ASAP2: variants seen among roughly 807,000 people sequenced by gnomAD.
The protein encoded by ASAP2 is ArfGAP with SH3 domain, ankyrin repeat and PH domain 2.
ASAP2 carries 45 observed loss-of-function variants against 131.4 expected under a neutral mutation model. The ratio of observed to expected loss-of-function variants is 0.34; its 90% CI spans 0.27 to 0.44. The LOEUF is 0.44. Among genes scored for constraint, ASAP2 ranks in the 20% least tolerant of loss-of-function variants. ASAP2 has a pLI of 1.00. For synonymous variants in ASAP2, 510 were observed against 503.0 expected (o/e 1.01, Z -0.19); for missense variants, 1,011 against 1,297.0 (o/e 0.78, Z 3.39).
chr2:9,356,010 G>A, intron 12 of ASAP2, 37 bp from the exon 13 acceptor site: 2 of 1,610,950 alleles, frequency 1.2e-6, no homozygotes, highest in Non-Finnish European at 1.7e-6. Context: ...ATGGATTGCT[G>A]TCTGGGCTCA....
chr2:9,216,022 G>T (rs1298612216), intron 1 of ASAP2, among the ~76,000 whole-genome samples: 4 of 152,156 alleles, frequency 2.6e-5, no homozygotes, highest in Admixed American at 2.0e-4. Context: ...TTAGGATTCT[G>T]AGCTGGGTAG....
chr2:9,317,143 A>G (rs1219273388), intron 3 of ASAP2, among the ~76,000 whole-genome samples: 2 of 77,164 alleles, frequency 2.6e-5, no homozygotes, highest in African/African-American at 4.2e-5. Context: ...ACACATCCCA[A>G]TCACACCCAC....
chr2:9,224,752 C>CT (rs2147996839), intron 1 of ASAP2, among the ~76,000 whole-genome samples: 1 of 152,254 alleles, frequency 6.6e-6, no homozygotes, highest in South Asian at 2.1e-4. Context: ...TTTATGTGTC[C>CT]TTTTTTATCC....
chr2:9,394,607 A>G (rs976375271), intron 24 of ASAP2, among the ~76,000 whole-genome samples: 1 of 152,146 alleles, frequency 6.6e-6, no homozygotes, highest in Non-Finnish European at 1.5e-5. Flanking sequence ...ACTTGGAAAT[A>G]TACGCACATG....
intron 15 of ASAP2, among the ~76,000 whole-genome samples, chr2:9,366,205 A>T (rs1442260347): frequency 6.6e-6 from 1 of 152,018 alleles, no homozygotes; most frequent in Non-Finnish European, 1.5e-5. Flanking sequence ...CTAGCATTGG[A>T]TGAGTGTGAC....
chr2:9,344,746 G>A lies in ASAP2; in HGVS notation c.969G>A (p.Trp323Ter). Residue 323 changes from tryptophan (W) to a stop codon, truncating the protein, a stop_gained, in exon 11 of 28, where the codon TGG becomes TGA. Transcript: ENST00000281419. LOFTEE classifies it high-confidence loss of function. The stretch of plus-strand genomic sequence containing the variant: ...TATCCACAAGGATCCGAAAAGTGTG[G>A]CAGAAAAGGAAATGTTCAGTTAAAA... ...YKKSDGIRKV[W>*]QKRKCSVKNG... The A allele has an allele frequency of 6.2e-7, 1 of 1,614,136 alleles. No individual in the cohort carries two copies. Among genetic ancestry groups the A allele is most frequent in the South Asian group, 1.1e-5 (1 of 91,080 alleles).
intron 2 of ASAP2, among the ~76,000 whole-genome samples, chr2:9,296,513 A>T (rs1466716580): frequency 6.6e-6 from 1 of 152,252 alleles, no homozygotes; most frequent in East Asian, 1.9e-4. Context: ...GTAAAATGCC[A>T]TGAGATGTAA....
At chr2:9,350,524 C>A (rs940304005) in intron 11 of ASAP2, 1 of 314,800 alleles carries the variant, frequency 3.2e-6, no homozygotes, top group African/African-American at 2.1e-5. Flanking sequence ...AAGGCACCCA[C>A]TGCCAGCAGC....
chr2:9,260,946 TA>T (rs1345788663), intron 1 of ASAP2, among the ~76,000 whole-genome samples: 2 of 152,122 alleles, frequency 1.3e-5, no homozygotes, highest in African/African-American at 2.4e-5. Context: ...CCAGGGTGGT[TA>T]GGGGGGTTGT....
chr2:9,380,851 G>A (rs1165194066), intron 20 of ASAP2, 43 bp downstream of exon 20: 2 of 1,592,346 alleles, frequency 1.3e-6, no homozygotes, highest in Admixed American at 1.7e-5. Context: ...ACCTGTCACG[G>A]GACAGGGAGC....
chr2:9,290,239 G>A (rs574947058), intron 2 of ASAP2, among the ~76,000 whole-genome samples: 2 of 152,092 alleles, frequency 1.3e-5, no homozygotes, highest in Admixed American at 6.5e-5. Flanking sequence ...ATGGAGTCTC[G>A]CTGTGTCACC....
chr2:9,357,637 T>TA (rs1487180103), intron 14 of ASAP2, among the ~76,000 whole-genome samples: 19 of 152,286 alleles, frequency 1.2e-4, no homozygotes, highest in South Asian at 8.3e-4. Context: ...ATGTACTCAT[T>TA]ATTTTAAAAT....
intron 1 of ASAP2, among the ~76,000 whole-genome samples, chr2:9,275,853 G>A (rs1283403584): frequency 6.6e-6 from 1 of 152,104 alleles, no homozygotes; most frequent in Admixed American, 6.6e-5. Flanking sequence ...AAAAGAGGCG[G>A]TACGATTAAT....
intron 1 of ASAP2, among the ~76,000 whole-genome samples, chr2:9,233,168 C>T (rs1663284840): frequency 6.6e-6 from 1 of 152,042 alleles, no homozygotes; most frequent in Non-Finnish European, 1.5e-5. Flanking sequence ...GGGAGGTTAA[C>T]CCTGGTGGTT....
chr2:9,396,359 C>T (rs987766550), intron 24 of ASAP2, among the ~76,000 whole-genome samples: 2 of 152,164 alleles, frequency 1.3e-5, no homozygotes, highest in Non-Finnish European at 2.9e-5. Flanking sequence ...ACCGCAGCCT[C>T]GACCTCCTGG....
rs540084110 is a variant in ASAP2 at position 9,394,850 on chromosome 2, T to C, written c.2684+1203T>C. On this transcript the variant is annotated intron_variant, in intron 24 of 27. Coordinates refer to ENST00000281419, the MANE Select transcript of ASAP2 (RefSeq NM_003887.3). ...TGTCTGGAGCCTTCGCTGAAAGGAC[T>C]CGAAGCCTGGGGGTGGTTGGACACA... Among the ~76,000 whole-genome samples the C allele has an allele frequency of 5.3e-5, 8 of 152,288 alleles. No individual in the cohort carries two copies. The South Asian group carries it at 1.7e-3, about 32-fold the overall frequency.
chr2:9,213,704 A>G (rs986402944), intron 1 of ASAP2, among the ~76,000 whole-genome samples: 3 of 152,146 alleles, frequency 2.0e-5, no homozygotes, highest in Admixed American at 6.5e-5. Flanking sequence ...ATTGTGTGCT[A>G]GTGGCATAGA....
chr2:9,221,424 G>A (rs1662413656), intron 1 of ASAP2, among the ~76,000 whole-genome samples: 1 of 150,908 alleles, frequency 6.6e-6, no homozygotes, highest in Non-Finnish European at 1.5e-5. Flanking sequence ...CAAAGTGCTG[G>A]GATTGCAGGC....
intron 1 of ASAP2, among the ~76,000 whole-genome samples, chr2:9,260,688 TC>T (rs564045622): frequency 1.4e-3 from 219 of 152,216 alleles, no homozygotes; most frequent in African/African-American, 5.1e-3. Flanking sequence ...GTTTTTCTCC[TC>T]CCTGCTTCCC....
Sources: gnomAD v4.1 joint callset for allele counts (sites outside exome capture counted in the v4.1 genomes callset) on GRCh38, gnomAD v4.1.1 for gene constraint, MANE v1.5 for transcripts, NCBI Gene and HGNC (gene_info 2026-07-23, HGNC 2026-07-21) for gene names.